The following SHTN1 variants were observed in gnomAD, a reference collection of about 807,000 sequenced individuals.
The protein encoded by SHTN1 is shootin-1.
A neutral mutation model predicts 83.1 loss-of-function variants in SHTN1; 42 were observed. That is an observed-to-expected ratio of 0.51 (90% CI 0.39 to 0.65). The LOEUF is 0.65. Ranked by LOEUF, SHTN1 falls within the 30% of genes least tolerant of loss-of-function variation. SHTN1 has a pLI of 0.00. For missense variants in SHTN1, 622 were observed against 737.8 expected (o/e 0.84, Z 1.82); for synonymous variants, 224 against 247.7 (o/e 0.90, Z 0.90).
At chr10:117,110,876 A>G (rs1447053407) in intron 1 of SHTN1, among the ~76,000 whole-genome samples, 1 of 152,158 alleles carries the variant, frequency 6.6e-6, no homozygotes, top group African/African-American at 2.4e-5. Context: ...TTTAGAGTGC[A>G]CTAGAGTCAC....
chr10:117,070,404 T>C (rs901915552), intron 1 of SHTN1, among the ~76,000 whole-genome samples: 2 of 152,108 alleles, frequency 1.3e-5, no homozygotes, highest in Admixed American at 6.6e-5. Flanking sequence ...TCCTTTCCTC[T>C]ATCTGCTTTT....
chr10:116,913,399 C>A (rs1156807291), intron 13 of SHTN1, among the ~76,000 whole-genome samples: 1 of 152,196 alleles, frequency 6.6e-6, no homozygotes, highest in Admixed American at 6.5e-5. Context: ...CTACACAGTT[C>A]AAGATTTACC....
chr10:117,087,966 G>T (rs1335939108), intron 1 of SHTN1, among the ~76,000 whole-genome samples: 1 of 152,116 alleles, frequency 6.6e-6, no homozygotes, highest in Admixed American at 6.5e-5. Context: ...AGCCAGGTAT[G>T]GTGGCATGCA....
chr10:116,938,827 A>T (rs904285346), intron 9 of SHTN1, among the ~76,000 whole-genome samples: 2 of 152,202 alleles, frequency 1.3e-5, no homozygotes, highest in Non-Finnish European at 2.9e-5. Context: ...CAAGCCCCTG[A>T]CTGGGGCTGC....
At chr10:116,922,812 A>G (rs1215154656) in intron 11 of SHTN1, among the ~76,000 whole-genome samples, 6 of 152,048 alleles carry the variant, frequency 3.9e-5, no homozygotes, top group Non-Finnish European at 7.4e-5. Flanking sequence ...TAAAAATATG[A>G]AAAAATTAGC....
rs867413781 is a variant in SHTN1 at position 117,001,968 on chromosome 10, C to G, written c.58+3054G>C. On this transcript the variant is annotated intron_variant, in intron 1 of 16. Transcript: ENST00000355371. ...AAAAGATTTCAAACATCACTAATAA[C>G]CAGAGCAATGCAAATCTTAAAAGGT... is the stretch of plus-strand genomic sequence containing the variant. Among the ~76,000 whole-genome samples, 14 of 152,194 alleles carry G rather than the reference C, an allele frequency of 9.2e-5. No individual in the cohort carries two copies. In the South Asian group the frequency reaches 1.0e-3, roughly 11 times the overall value.
intron 1 of SHTN1, among the ~76,000 whole-genome samples, chr10:117,126,026 A>G (rs1310854826): frequency 1.3e-5 from 2 of 152,110 alleles, no homozygotes; most frequent in African/African-American, 2.4e-5. Context: ...CTCAGCCCCC[A>G]TGCCGCTGCT....
chr10:117,064,448 G>GT (rs1482519567), intron 1 of SHTN1, among the ~76,000 whole-genome samples: 2 of 152,180 alleles, frequency 1.3e-5, no homozygotes, highest in Admixed American at 1.3e-4. Context: ...GAGGTCAGGA[G>GT]TTTGAGACCA....
intron 8 of SHTN1, among the ~76,000 whole-genome samples, chr10:116,941,290 C>T (rs946874316): frequency 6.6e-6 from 1 of 152,174 alleles, no homozygotes; most frequent in African/African-American, 2.4e-5. Context: ...TAATTAGTTT[C>T]TCCCTAGTGA....
intron 1 of SHTN1, among the ~76,000 whole-genome samples, chr10:117,004,432 T>A (rs960625781): frequency 7.9e-5 from 12 of 151,998 alleles, no homozygotes; most frequent in Non-Finnish European, 1.6e-4. Flanking sequence ...CCCTGTTAAT[T>A]CTGAAAGCTC....
intron 1 of SHTN1, among the ~76,000 whole-genome samples, chr10:116,982,055 C>G (rs947011531): frequency 2.0e-5 from 3 of 152,160 alleles, no homozygotes; most frequent in African/African-American, 7.2e-5. Flanking sequence ...AAGACTCCGT[C>G]TCAAAAACAA....
At chr10:117,013,508 G>A (rs938163928) in intron 2 of SHTN1, among the ~76,000 whole-genome samples, 2 of 152,092 alleles carry the variant, frequency 1.3e-5, no homozygotes, top group African/African-American at 4.8e-5. Flanking sequence ...ATAAGCACAT[G>A]AAAAGATGCT....
intron 1 of SHTN1, among the ~76,000 whole-genome samples, chr10:117,114,209 T>C (rs1853811087): frequency 6.6e-6 from 1 of 152,126 alleles, no homozygotes; most frequent in African/African-American, 2.4e-5. Context: ...ATCCTATTCC[T>C]TTCTTAAAAA....
At chr10:116,977,375 C>G (rs1322444360) in intron 2 of SHTN1, among the ~76,000 whole-genome samples, 1 of 152,116 alleles carries the variant, frequency 6.6e-6, no homozygotes, top group East Asian at 1.9e-4. Flanking sequence ...TTGTTCTTCT[C>G]GTGGGTCAGG....
Position 116,948,904 on chromosome 10 carries a change from GGACA to G in SHTN1, c.616+8_616+11del. 6.5e-7 allele frequency: 1 copy of G among 1,529,338 alleles called. No individual in the cohort carries two copies. Among genetic ancestry groups the G allele is most frequent in the Non-Finnish European group, 8.8e-7 (1 of 1,139,760 alleles). The allele number at this position is 1,529,338 out of a possible 1,614,324, so 94.7% of individuals were successfully genotyped here. The stretch of plus-strand genomic sequence containing the variant: ...CATACGTATTTGAGAAAAAAAGACT[GGACA>G]GACTTACCTCTATTGCATTTTTCTA... On this transcript the variant is annotated splice_region_variant and intron_variant, in intron 7 of 16. Coordinates refer to ENST00000355371, the MANE Select transcript of SHTN1 (RefSeq NM_001127211.3).
rs1425822916 is a variant in SHTN1 at position 116,883,627 on chromosome 10, T to C, written c.*2717A>G. On this transcript the variant is annotated 3_prime_UTR_variant, in exon 17 of 17. Coordinates refer to ENST00000355371, the MANE Select transcript of SHTN1 (RefSeq NM_001127211.3). Reference sequence around the variant, plus strand: ...TACTGAACACACAACCAAAAACTGGTCTGGAAAGACAATTAAAAATAATTG... The same window carrying C: ...TACTGAACACACAACCAAAAACTGGCCTGGAAAGACAATTAAAAATAATTG... The C allele has an allele frequency of 1.3e-5, 2 of 152,558 alleles. No individual in the cohort carries two copies. Among genetic ancestry groups the C allele is most frequent in the African/African-American group, 4.8e-5 (2 of 41,450 alleles). 9.5% of individuals were successfully genotyped at this position (152,558 alleles called of 1,614,324 possible).
At chr10:117,010,437 A>G (rs1254393657), upstream of SHTN1, among the ~76,000 whole-genome samples, 1 of 152,148 alleles carries the variant, frequency 6.6e-6, no homozygotes, top group African/African-American at 2.4e-5. Flanking sequence ...AAAAGAAAAG[A>G]AAGACACCCT....
intron 2 of SHTN1, among the ~76,000 whole-genome samples, chr10:117,017,204 T>G (rs1046016600): frequency 2.0e-5 from 3 of 151,694 alleles, no homozygotes; most frequent in Non-Finnish European, 4.4e-5. Context: ...ACAAAACAAA[T>G]AACAAGGCCG....
At chr10:117,110,420 C>T (rs1451117827) in intron 1 of SHTN1, among the ~76,000 whole-genome samples, 2 of 152,142 alleles carry the variant, frequency 1.3e-5, no homozygotes, top group East Asian at 1.9e-4. Context: ...GGCACCATCT[C>T]GGCTCACTAC....
Sources: gnomAD v4.1 joint callset for allele counts (sites outside exome capture counted in the v4.1 genomes callset) on GRCh38, gnomAD v4.1.1 for gene constraint, MANE v1.5 for transcripts, NCBI Gene and HGNC (gene_info 2026-07-23, HGNC 2026-07-21) for gene names.